The following MTOR variants were observed in gnomAD, a reference collection of about 807,000 sequenced individuals.
MTOR encodes mechanistic target of rapamycin kinase, also known as serine/threonine-protein kinase mTOR.
A neutral mutation model predicts 319.8 loss-of-function variants in MTOR; 70 were observed. The observed-to-expected ratio is 0.22, with a 90% CI of 0.18 to 0.27. The LOEUF (loss-of-function observed/expected upper bound fraction) is 0.27, where lower values mean the gene tolerates loss of function less well. Among genes scored for constraint, MTOR ranks in the 10% least tolerant of loss-of-function variants. The pLI, the probability that MTOR is intolerant of heterozygous loss-of-function variation, is 1.00. For missense variants in MTOR, 1,890 were observed against 3,274.4 expected (o/e 0.58, Z 10.32); for synonymous variants, 1,183 against 1,211.4 (o/e 0.98, Z 0.49).
At chr1:11,255,275 C>T (rs577729088) in intron 5 of MTOR, among the ~76,000 whole-genome samples, 60 of 149,006 alleles carry the variant, frequency 4.0e-4, no homozygotes, top group Admixed American at 3.3e-3. Context: ...CCCAGCTACT[C>T]GGGAGGCTGA....
intron 36 of MTOR, among the ~76,000 whole-genome samples, chr1:11,134,996 G>C (rs972743688): frequency 3.3e-5 from 5 of 152,252 alleles, no homozygotes; most frequent in Admixed American, 1.3e-4. Context: ...ATAGGGAGAA[G>C]ATATTAGCTC....
At chr1:11,108,003 A>C (rs1390543914) in intron 57 of MTOR, among the ~76,000 whole-genome samples, 178 bp downstream of exon 57, 2 of 152,176 alleles carry the variant, frequency 1.3e-5, no homozygotes, top group Non-Finnish European at 2.9e-5. Flanking sequence ...CATATTTCTC[A>C]GTTTCTTTTT....
chr1:11,197,868 A>G (rs1645838583), intron 28 of MTOR, among the ~76,000 whole-genome samples: 1 of 152,190 alleles, frequency 6.6e-6, no homozygotes, highest in Admixed American at 6.5e-5. Flanking sequence ...AACAAAGGAC[A>G]AGATCAATCT....
chr1:11,231,437 G>A lies in MTOR; in HGVS notation c.2515-3C>T, dbSNP rs1315358255. Reference sequence around the variant, plus strand: ...TGTCCCAGGGTCCACAGAGCCACCTGGATAGGCACAAGAACACGATTCAAT... The same window carrying A: ...TGTCCCAGGGTCCACAGAGCCACCTAGATAGGCACAAGAACACGATTCAAT... On this transcript the variant is annotated splice_polypyrimidine_tract_variant and splice_region_variant and intron_variant, in intron 16 of 57. Coordinates refer to ENST00000361445, the MANE Select transcript of MTOR (RefSeq NM_004958.4). The A allele has an allele frequency of 9.9e-6, 16 of 1,613,688 alleles. No individual in the cohort carries two copies. The highest frequency in any genetic ancestry group is 1.3e-5 in the Non-Finnish European group (15 of 1,179,890).
At position 11,129,886 on chromosome 1, in the gene MTOR, A is replaced by C. The variant is rs754730386; in HGVS notation, c.5614-48T>G. The C allele has an allele frequency of 4.0e-4, 621 of 1,537,724 alleles. No homozygotes were observed. The highest frequency in any genetic ancestry group is 5.1e-4 in the Non-Finnish European group (569 of 1,112,380). ...GCGACACTCTTGCCTCTGCTTTCTC[A>C]TCTGTAAAATGGGCATAAGAGCATA... is the stretch of plus-strand genomic sequence containing the variant. On this transcript the variant is annotated intron_variant, in intron 39 of 57. Coordinates refer to ENST00000361445, the MANE Select transcript of MTOR (RefSeq NM_004958.4). The surrounding 1 kb of genome is among the most constrained non-coding windows in gnomAD (Gnocchi z 4.7).
At chr1:11,200,326 G>A (rs1645918175) in intron 26 of MTOR, among the ~76,000 whole-genome samples, 1 of 152,162 alleles carries the variant, frequency 6.6e-6, no homozygotes, top group South Asian at 2.1e-4. Flanking sequence ...AGGACTAGAA[G>A]CATTAGCAAA....
chr1:11,167,084 G>C (rs57195999), intron 29 of MTOR, among the ~76,000 whole-genome samples: 1 of 152,066 alleles, frequency 6.6e-6, no homozygotes, highest in Admixed American at 6.6e-5. Context: ...ATGACACACC[G>C]GGGCCTGTCG....
At chr1:11,248,151 G>A (rs1649095224) in intron 6 of MTOR, 57 bp from the exon 7 acceptor site, 2 of 1,503,640 alleles carry the variant, frequency 1.3e-6, no homozygotes, top group South Asian at 2.6e-5. Context: ...TTCAAACTGG[G>A]CACTGTGGAT....
At chr1:11,211,547 T>C (rs1646312977) in intron 23 of MTOR, among the ~76,000 whole-genome samples, 1 of 152,182 alleles carries the variant, frequency 6.6e-6, no homozygotes, top group South Asian at 2.1e-4. Context: ...TTTAAATTTT[T>C]TTGTGGAGAC....
chr1:11,238,924 G>A (rs1046780678), intron 11 of MTOR, among the ~76,000 whole-genome samples: 5 of 127,306 alleles, frequency 3.9e-5, no homozygotes, highest in African/African-American at 1.3e-4. Context: ...CACCACGCCT[G>A]GCTAATTTTT....
intron 19 of MTOR, 35 bp from the exon 20 acceptor site, chr1:11,216,269 T>G: frequency 6.6e-7 from 1 of 1,525,434 alleles, no homozygotes; most frequent in Non-Finnish European, 9.1e-7. Context: ...GCTGGTATCA[T>G]GAAGGACATT....
At chr1:11,156,251 A>G (rs1269587198) in intron 30 of MTOR, among the ~76,000 whole-genome samples, 3 of 152,200 alleles carry the variant, frequency 2.0e-5, no homozygotes, top group African/African-American at 7.2e-5. Context: ...TGGCCTCCCA[A>G]AGGGTTGGGA....
At chr1:11,172,972 G>A (rs140517302) in intron 28 of MTOR, among the ~76,000 whole-genome samples, 6 of 151,076 alleles carry the variant, frequency 4.0e-5, no homozygotes, top group Middle Eastern at 3.5e-3. Flanking sequence ...AGGTAAGAAG[G>A]TCACTGTCCA....
In MTOR at chr1:11,213,571, A is replaced by C; in HGVS notation, c.3118-5T>G. 6.2e-7 allele frequency: 1 copy of C among 1,612,904 alleles called. No individual in the cohort carries two copies. Among genetic ancestry groups the C allele is most frequent in the Non-Finnish European group, 8.5e-7 (1 of 1,179,456 alleles). Reference sequence around the variant, plus strand: ...GGTGTTCATGACCCAGAATTCCTACAAAGAGAGAAAAGTCAGAGGAGCTGA... The same window carrying C: ...GGTGTTCATGACCCAGAATTCCTACCAAGAGAGAAAAGTCAGAGGAGCTGA... On this transcript the variant is annotated splice_region_variant and splice_polypyrimidine_tract_variant and intron_variant, in intron 20 of 57. Coordinates refer to ENST00000361445, the MANE Select transcript of MTOR (RefSeq NM_004958.4).
chr1:11,119,573 GAAAAAAAAAA>G (rs555425607), intron 49 of MTOR, among the ~76,000 whole-genome samples: 41 of 24,878 alleles, frequency 1.6e-3, no homozygotes, highest in African/African-American at 6.7e-3. Context: ...TCCGTCTCGA[GAAAAAAAAAA>G]AAAAAAAAAA....
rs770282056 is a variant in MTOR at position 11,127,617 on chromosome 1, C to T, written c.6216+7G>A. 9.3e-6 allele frequency: 15 copies of T among 1,608,326 alleles called. No individual in the cohort carries two copies. The South Asian group carries it at 1.4e-4, about 15-fold the overall frequency. On this transcript the variant is annotated splice_region_variant and intron_variant, in intron 44 of 57. Transcript: ENST00000361445. This position sits in a 1 kb window ranked among gnomAD's most constrained non-coding sequence, Gnocchi z 5.5. ...GGTTATGTCCTTTCGTGTTTTTTAC[C>T]CCATACCTGATTAAAGGATGTTTCC... is the stretch of plus-strand genomic sequence containing the variant.
chr1:11,130,656 G>C lies in MTOR; in HGVS notation c.5486C>G (p.Thr1829Ser), dbSNP rs147555055. The change falls in exon 39 of 58, where the codon ACC becomes AGC. Residue 1829 changes from threonine (T) to serine (S), a missense_variant. This residue lies in a region of MTOR where 91 missense variants were observed against 90.4 expected (regional missense o/e 1.01). Coordinates refer to ENST00000361445, the MANE Select transcript of MTOR (RefSeq NM_004958.4). ...HASGANITNA[T>S]TAATTAATAT... ...AGTGGCGGCCGTGGTGGCGGCAGTG[G>C]TGGCGTTGGTGATGTTGGCCCCGCT... 36 of 1,613,150 alleles carry C rather than the reference G, an allele frequency of 2.2e-5. No individual in the cohort carries two copies. The highest frequency in any genetic ancestry group is 3.0e-5 in the Non-Finnish European group (35 of 1,179,710).
In MTOR at chr1:11,199,792, C is replaced by T. The variant is rs1645901315; in HGVS notation, c.3945-89G>A. The T allele has an allele frequency of 6.9e-7, 1 of 1,449,426 alleles. No individual in the cohort carries two copies. The highest frequency in any genetic ancestry group is 1.4e-5 in the African/African-American group (1 of 71,800). The allele number at this position is 1,449,426 out of a possible 1,614,324, so 89.8% of individuals were successfully genotyped here. A position where few individuals can be genotyped will look rare whatever the true frequency, so the allele number is the denominator to read the frequency against. On this transcript the variant is annotated intron_variant, in intron 26 of 57. Transcript: ENST00000361445. This position sits in a 1 kb window ranked among gnomAD's most constrained non-coding sequence, Gnocchi z 4.5. ...ACACCTATCAATTCGCTTTTGGCAT[C>T]ACTGATTTTGGTTATACAAACCAGT...
chr1:11,251,180 T>A (rs976199542), intron 6 of MTOR, among the ~76,000 whole-genome samples: 2 of 152,126 alleles, frequency 1.3e-5, no homozygotes, highest in Non-Finnish European at 2.9e-5. Flanking sequence ...CCCTTAGGTG[T>A]TCCTCTGACC....
Sources: allele counts gnomAD v4.1 joint callset (sites outside exome capture counted in the v4.1 genomes callset), GRCh38; gene constraint gnomAD v4.1.1; regional missense constraint gnomAD v4.1.1; non-coding constraint Gnocchi (gnomAD v3.1); transcripts MANE v1.5; gene names NCBI Gene and HGNC (gene_info 2026-07-23, HGNC 2026-07-21).